RGS7BP: variants seen among roughly 807,000 people sequenced by gnomAD.
The protein encoded by RGS7BP is regulator of G protein signaling 7-binding protein.
Under a neutral mutation model 31.3 loss-of-function variants are expected in RGS7BP, and 9 were observed. That is an observed-to-expected ratio of 0.29 (90% CI 0.17 to 0.50). The LOEUF is 0.50. Ranked by LOEUF, RGS7BP falls within the 20% of genes least tolerant of loss-of-function variation. RGS7BP has a pLI of 0.98. For missense variants in RGS7BP, 274 were observed against 322.0 expected (o/e 0.85, Z 1.14); for synonymous variants, 115 against 120.1 (o/e 0.96, Z 0.28).
At chr5:64,595,209 C>T (rs1320358300) in intron 4 of RGS7BP, among the ~76,000 whole-genome samples, 2 of 152,162 alleles carry the variant, frequency 1.3e-5, no homozygotes, top group Non-Finnish European at 2.9e-5. Flanking sequence ...TCACAGTTCA[C>T]CTACTGGGCT....
intron 2 of RGS7BP, among the ~76,000 whole-genome samples, chr5:64,531,963 GT>G (rs1039725511): frequency 2.5e-4 from 38 of 151,642 alleles, no homozygotes; most frequent in African/African-American, 4.1e-4. Context: ...CTACCTGCTA[GT>G]TTTTTTTTCC....
At chr5:64,510,893 A>G (rs1027470397) in intron 2 of RGS7BP, among the ~76,000 whole-genome samples, 2 of 152,208 alleles carry the variant, frequency 1.3e-5, no homozygotes, top group Non-Finnish European at 2.9e-5. Context: ...TTAAGCACCA[A>G]TTCTTTGCTC....
At chr5:64,543,133 T>A (rs1292749874) in intron 2 of RGS7BP, among the ~76,000 whole-genome samples, 1 of 152,232 alleles carries the variant, frequency 6.6e-6, no homozygotes, top group Admixed American at 6.5e-5. Flanking sequence ...GTAATCACTC[T>A]GAGGACACTC....
At chr5:64,515,124 G>A (rs1432859106) in intron 2 of RGS7BP, among the ~76,000 whole-genome samples, 1 of 152,286 alleles carries the variant, frequency 6.6e-6, no homozygotes, top group East Asian at 1.9e-4. Context: ...TAAGCTCAAT[G>A]ATGATATATT....
At chr5:64,549,148 T>C (rs1741729502) in intron 2 of RGS7BP, among the ~76,000 whole-genome samples, 1 of 152,282 alleles carries the variant, frequency 6.6e-6, no homozygotes, top group East Asian at 1.9e-4. Context: ...GAGGTATAAT[T>C]CATCCTGAGG....
intron 5 of RGS7BP, among the ~76,000 whole-genome samples, chr5:64,598,748 C>T (rs1167253148): frequency 1.3e-5 from 2 of 152,304 alleles, no homozygotes; most frequent in East Asian, 1.9e-4. Context: ...AGATCTCTGC[C>T]ATCCACTTGT....
At chr5:64,604,408 G>A (rs1265201366) in intron 5 of RGS7BP, among the ~76,000 whole-genome samples, 2 of 152,150 alleles carry the variant, frequency 1.3e-5, no homozygotes, top group Admixed American at 6.5e-5. Flanking sequence ...AAGCCTTATA[G>A]TTACTCAAGG....
chr5:64,568,938 CA>C (rs35980460), intron 2 of RGS7BP, among the ~76,000 whole-genome samples: 68,991 of 151,328 alleles, frequency 0.46, 16,164 homozygotes, highest in South Asian at 0.5. Context: ...CGAAGGCAAG[CA>C]AGGGACGCAA....
intron 3 of RGS7BP, among the ~76,000 whole-genome samples, chr5:64,591,476 A>C (rs1476555226): frequency 6.6e-6 from 1 of 152,192 alleles, no homozygotes. Flanking sequence ...TGATAATATG[A>C]AGTGCTGGGA....
intron 3 of RGS7BP, among the ~76,000 whole-genome samples, chr5:64,592,720 T>C (rs996585244): frequency 1.3e-5 from 2 of 152,172 alleles, no homozygotes; most frequent in Non-Finnish European, 2.9e-5. Context: ...TTCTGGTGAA[T>C]CTTCTTCCCC....
intron 2 of RGS7BP, among the ~76,000 whole-genome samples, chr5:64,522,381 C>T (rs1259742547): frequency 6.6e-6 from 1 of 152,154 alleles, no homozygotes; most frequent in East Asian, 1.9e-4. Flanking sequence ...TGTGTGCACA[C>T]AGTCAGAAAC....
chr5:64,603,312 G>C (rs1285288649), intron 5 of RGS7BP, among the ~76,000 whole-genome samples: 1 of 152,206 alleles, frequency 6.6e-6, no homozygotes, highest in African/African-American at 2.4e-5. Flanking sequence ...CACCAAGTTA[G>C]AGACAACAGA....
chr5:64,520,551 A>G (rs1242770414), intron 2 of RGS7BP, among the ~76,000 whole-genome samples: 2 of 152,144 alleles, frequency 1.3e-5, no homozygotes, highest in African/African-American at 4.8e-5. Context: ...TCCCTATACC[A>G]TATTTACTCA....
At chr5:64,563,254 A>G (rs1159269898) in intron 2 of RGS7BP, among the ~76,000 whole-genome samples, 3 of 152,210 alleles carry the variant, frequency 2.0e-5, no homozygotes, top group South Asian at 4.1e-4. Flanking sequence ...GAGCCTGGAC[A>G]ATCTGGTATG....
intron 3 of RGS7BP, among the ~76,000 whole-genome samples, chr5:64,589,023 C>T (rs897415899): frequency 8.6e-5 from 13 of 151,984 alleles, no homozygotes; most frequent in African/African-American, 2.7e-4. Flanking sequence ...TGGGTAGGTA[C>T]GGTGGCTCAT....
At chr5:64,588,953 T>C (rs1221335711) in intron 3 of RGS7BP, among the ~76,000 whole-genome samples, 1 of 152,064 alleles carries the variant, frequency 6.6e-6, no homozygotes, top group Non-Finnish European at 1.5e-5. Context: ...ATATCTAAAG[T>C]TAAAATATTA....
chr5:64,555,330 C>T (rs1276083917), intron 2 of RGS7BP, among the ~76,000 whole-genome samples: 1 of 152,154 alleles, frequency 6.6e-6, no homozygotes, highest in East Asian at 1.9e-4. Context: ...TAAAGGAGCT[C>T]ATCACATTTT....
chr5:64,521,797 C>T (rs1050174041), intron 2 of RGS7BP, among the ~76,000 whole-genome samples: 6 of 152,124 alleles, frequency 3.9e-5, no homozygotes, highest in Non-Finnish European at 5.9e-5. Flanking sequence ...TTGAATTGTG[C>T]ATCAAAAACA....
chr5:64,506,832 AG>A lies in RGS7BP; in HGVS notation c.165+48del, dbSNP rs771326661. 1.6e-5 allele frequency: 22 copies of A among 1,351,520 alleles called. No homozygotes were observed. The East Asian group carries it at 4.8e-4, about 30-fold the overall frequency. The allele number at this position is 1,351,520 out of a possible 1,614,324, so 83.7% of individuals were successfully genotyped here. The stretch of plus-strand genomic sequence containing the variant: ...CTCTTTTTTTTTTTTTTTAATTGAG[AG>A]GGGGTGGGGGGAGTCATGTATGTTA... On this transcript the variant is annotated intron_variant, in intron 1 of 5. Coordinates refer to ENST00000334025, the MANE Select transcript of RGS7BP (RefSeq NM_001029875.3). The surrounding 1 kb of genome is among the most constrained non-coding windows in gnomAD (Gnocchi z 4.6).
Sources: gnomAD v4.1 joint callset for allele counts (sites outside exome capture counted in the v4.1 genomes callset) on GRCh38, gnomAD v4.1.1 for gene constraint, Gnocchi (gnomAD v3.1) non-coding constraint, MANE v1.5 for transcripts, NCBI Gene and HGNC (gene_info 2026-07-23, HGNC 2026-07-21) for gene names.